The following TMBIM4 variants were observed in gnomAD, a reference collection of about 807,000 sequenced individuals.
The protein encoded by TMBIM4 is transmembrane BAX inhibitor motif containing 4, also known as protein lifeguard 4.
Under a neutral mutation model 27.7 loss-of-function variants are expected in TMBIM4, and 28 were observed. That is an observed-to-expected ratio of 1.01 (90% CI 0.75 to 1.38). TMBIM4 has a LOEUF of 1.38. TMBIM4 is among the 40% of genes most tolerant of loss of function. TMBIM4 has a pLI of 0.00. For missense variants in TMBIM4, 265 were observed against 277.5 expected (o/e 0.95, Z 0.32); for synonymous variants, 115 against 113.1 (o/e 1.02, Z -0.11).
chr12:66,153,564 CCTA>C (rs1314440350), intron 1 of TMBIM4, 116 bp from the exon 2 acceptor site: 2 of 522,226 alleles, frequency 3.8e-6, no homozygotes, highest in African/African-American at 4.0e-5. Flanking sequence ...TAATTTTCCT[CCTA>C]ATAATGTAAT....
In TMBIM4 at chr12:66,152,375, G is replaced by A. The variant is rs1465685928; in HGVS notation, c.208C>T (p.Pro70Ser). 1 of 1,600,440 alleles carries A rather than the reference G, an allele frequency of 6.2e-7. No individual in the cohort carries two copies. The highest frequency in any genetic ancestry group is 1.7e-5 in the Admixed American group (1 of 59,470). The change falls in exon 3 of 7, where the codon CCT becomes TCT. Residue 70 changes from proline (P) to serine (S), a missense_variant and splice_region_variant. Coordinates refer to ENST00000358230, the MANE Select transcript of TMBIM4 (RefSeq NM_016056.4). ...AGGGCAAACAGCAAAATTAAGGCAGGACTGAAAGACATAATATTAAGTGTT... is the reference window on the plus strand; with the variant it reads ...AGGGCAAACAGCAAAATTAAGGCAGAACTGAAAGACATAATATTAAGTGTT... Reference protein sequence around the residue: ...ESVRTFVHESPALILLFALGS... With the variant: ...ESVRTFVHESSALILLFALGS...
At chr12:66,156,702 A>G (rs2051942209) in intron 1 of TMBIM4, among the ~76,000 whole-genome samples, 1 of 152,146 alleles carries the variant, frequency 6.6e-6, no homozygotes, top group Admixed American at 6.5e-5. Flanking sequence ...AACCTTTCCA[A>G]TCTCATCTCA....
chr12:66,141,455 TAAAG>T (rs2136846482), intron 5 of TMBIM4, among the ~76,000 whole-genome samples: 1 of 151,920 alleles, frequency 6.6e-6, no homozygotes, highest in African/African-American at 2.4e-5. Context: ...AATAAGCCAA[TAAAG>T]AAGATAAACA....
rs761048789 is a variant in TMBIM4, at chr12:66,138,213, T to C, written c.511-47A>G. 3.8e-6 allele frequency: 6 copies of C among 1,560,860 alleles called. No individual in the cohort carries two copies. In the Admixed American group the frequency reaches 7.8e-5, roughly 20 times the overall value. On this transcript the variant is annotated intron_variant, in intron 6 of 6. Coordinates refer to ENST00000358230, the MANE Select transcript of TMBIM4 (RefSeq NM_016056.4). Reference sequence around the variant, plus strand: ...AATATGTTTATATTTGAGAACAGTATTAACAGGACTTAACTTACTTCCTCT... The same window carrying C: ...AATATGTTTATATTTGAGAACAGTACTAACAGGACTTAACTTACTTCCTCT...
At chr12:66,157,199 T>C (rs1236640048) in intron 1 of TMBIM4, among the ~76,000 whole-genome samples, 1 of 152,140 alleles carries the variant, frequency 6.6e-6, no homozygotes, top group Non-Finnish European at 1.5e-5. Context: ...TAGCACCCCA[T>C]TAAGAATGCA....
intron 1 of TMBIM4, among the ~76,000 whole-genome samples, chr12:66,158,087 G>A (rs1180972681): frequency 2.6e-5 from 4 of 151,832 alleles, no homozygotes; most frequent in Non-Finnish European, 4.4e-5. Flanking sequence ...TTAGCTGGGC[G>A]TGGTGGCGGG....
chr12:66,137,406 T>G lies in TMBIM4; in HGVS notation c.*554A>C, dbSNP rs2051593596. ...CTAATTTAGGAAGAAAAATTTTTTT[T>G]TTTTTTTTGAGACTGAGTCTCGCTC... On this transcript the variant is annotated 3_prime_UTR_variant, in exon 7 of 7. Transcript: ENST00000358230. The G allele has an allele frequency of 6.6e-6, 1 of 152,232 alleles. No individual in the cohort carries two copies. Among genetic ancestry groups the G allele is most frequent in the African/African-American group, 2.4e-5 (1 of 41,534 alleles). The allele number at this position is 152,232 out of a possible 1,614,324, so 9.4% of individuals were successfully genotyped here. A position where few individuals can be genotyped will look rare whatever the true frequency, so the allele number is the denominator to read the frequency against.
At chr12:66,162,518 A>G (rs1389057627) in intron 1 of TMBIM4, among the ~76,000 whole-genome samples, 1 of 152,154 alleles carries the variant, frequency 6.6e-6, no homozygotes, top group African/African-American at 2.4e-5. Context: ...CAACTAAATC[A>G]CAGTCGAGGG....
chr12:66,162,531 C>T (rs961445797), intron 1 of TMBIM4, among the ~76,000 whole-genome samples: 11 of 152,050 alleles, frequency 7.2e-5, no homozygotes, highest in African/African-American at 1.9e-4. Flanking sequence ...GTCGAGGGGC[C>T]GGGGGAAAAC....
At chr12:66,141,636 C>G (rs1351678104) in intron 5 of TMBIM4, among the ~76,000 whole-genome samples, 1 of 150,778 alleles carries the variant, frequency 6.6e-6, no homozygotes, top group Admixed American at 6.6e-5. Context: ...GATAGAAAAA[C>G]ATATACGATG....
intron 5 of TMBIM4, among the ~76,000 whole-genome samples, chr12:66,144,945 A>G (rs1267386472): frequency 6.6e-6 from 1 of 152,182 alleles, no homozygotes; most frequent in Non-Finnish European, 1.5e-5. Context: ...ACTGGAATTA[A>G]TGAAAGGGAG....
chr12:66,139,804 C>G (rs2051637724), intron 5 of TMBIM4: 2 of 455,130 alleles, frequency 4.4e-6, no homozygotes, highest in Admixed American at 4.7e-5. Flanking sequence ...GAGAAGCAGG[C>G]AGAACAATCC....
chr12:66,147,952 G>T lies in TMBIM4; in HGVS notation c.313-11C>A, dbSNP rs745522788. 3 of 1,609,320 alleles carry T rather than the reference G, an allele frequency of 1.9e-6. No individual in the cohort carries two copies. Among genetic ancestry groups the T allele is most frequent in the South Asian group, 1.1e-5 (1 of 90,230 alleles). The stretch of plus-strand genomic sequence containing the variant: ...AGCTTCCAACAGCGTCTAATGAAAA[G>T]AAACTTAAATTAGTGACTGTAAAAT... On this transcript the variant is annotated splice_polypyrimidine_tract_variant and intron_variant, in intron 3 of 6. Coordinates refer to ENST00000358230, the MANE Select transcript of TMBIM4 (RefSeq NM_016056.4).
intron 1 of TMBIM4, chr12:66,169,139 A>T: frequency 1.6e-6 from 1 of 617,302 alleles, no homozygotes; most frequent in Non-Finnish European, 2.9e-6. Flanking sequence ...CAGCTGCCTA[A>T]ACAGGCTGAA....
In TMBIM4 at chr12:66,147,936, C is replaced by G. The variant is rs1048678653; in HGVS notation, c.318G>C (p.Leu106=). The G allele has an allele frequency of 6.2e-7, 1 of 1,611,568 alleles. No homozygotes were observed. The highest frequency in any genetic ancestry group is 1.1e-5 in the South Asian group (1 of 90,512). ...CAACTGCCACAGTCAGAGCTTCCAA[C>G]AGCGTCTAATGAAAAGAAACTTAAA... ...LNLYLLFGFT[L]LEALTVAVVV... is the part of the protein sequence containing the mutation. The change falls in exon 4 of 7, where the codon CTG becomes CTC. Residue 106 remains leucine, a synonymous_variant. Coordinates refer to ENST00000358230, the MANE Select transcript of TMBIM4 (RefSeq NM_016056.4).
intron 3 of TMBIM4, among the ~76,000 whole-genome samples, chr12:66,149,088 G>A (rs928565872): frequency 2.0e-5 from 3 of 152,170 alleles, no homozygotes; most frequent in Non-Finnish European, 2.9e-5. Context: ...CAATGGAACT[G>A]CTGTCACATT....
rs2051579371 is a variant in TMBIM4, at chr12:66,136,189, G to A, written c.*1771C>T. The A allele has an allele frequency of 6.7e-6, 1 of 149,872 alleles. No homozygotes were observed. Among genetic ancestry groups the A allele is most frequent in the African/African-American group, 2.4e-5 (1 of 40,886 alleles). The allele number at this position is 149,872 out of a possible 1,614,324, so 9.3% of individuals were successfully genotyped here. On this transcript the variant is annotated 3_prime_UTR_variant, in exon 7 of 7. Transcript: ENST00000358230. The stretch of plus-strand genomic sequence containing the variant: ...TTTAATCCTTATAACAGCCCAATAA[G>A]CTAGACATCATTATTCCCATTATGA...
At chr12:66,169,399 A>T in intron 1 of TMBIM4, 2 of 586,268 alleles carry the variant, frequency 3.4e-6, no homozygotes, top group Non-Finnish European at 6.0e-6. Flanking sequence ...AGCCTAGCAC[A>T]GGACGGTAAA....
chr12:66,154,739 AGTGCTTTG>A (rs1396240638), intron 1 of TMBIM4, among the ~76,000 whole-genome samples: 1 of 152,218 alleles, frequency 6.6e-6, no homozygotes, highest in East Asian at 1.9e-4. Context: ...GGAAGGGTGA[AGTGCTTTG>A]ATGGCATGTC....
Sources: gnomAD v4.1 joint callset for allele counts (sites outside exome capture counted in the v4.1 genomes callset) on GRCh38, gnomAD v4.1.1 for gene constraint, MANE v1.5 for transcripts, NCBI Gene and HGNC (gene_info 2026-07-23, HGNC 2026-07-21) for gene names.